The following AGAP1 variants were observed in gnomAD, a reference collection of about 807,000 sequenced individuals.
The protein encoded by AGAP1 is ArfGAP with GTPase domain, ankyrin repeat and PH domain 1.
AGAP1 carries 29 observed loss-of-function variants against 105.3 expected under a neutral mutation model. The observed-to-expected ratio is 0.28, with a 90% confidence interval of 0.21 to 0.38. The LOEUF is 0.38. AGAP1 is among the 10% of genes least tolerant of loss of function. AGAP1 has a pLI of 1.00. For missense variants in AGAP1, 998 were observed against 1,165.1 expected, an observed-to-expected ratio of 0.86 and a Z score of 2.09; for synonymous variants, 509 against 485.9, an observed-to-expected ratio of 1.05 and a Z score of -0.63.
intron 1 of AGAP1, among the ~76,000 whole-genome samples, chr2:235,708,712 C>CTG (rs1244192771): frequency 2.0e-5 from 3 of 152,128 alleles, no homozygotes; most frequent in Non-Finnish European, 2.9e-5. Flanking sequence ...ATACTTTTTG[C>CTG]TGTGTGTGTG....
chr2:235,802,891 GTGA>G (rs1452785659), intron 8 of AGAP1, among the ~76,000 whole-genome samples: 36 of 133,266 alleles, frequency 2.7e-4, no homozygotes, highest in Admixed American at 5.2e-4. Flanking sequence ...GGTTGTGATG[GTGA>G]TGATGGTTGT....
At chr2:235,643,431 C>CAAAAAAAAAAAAAAAAAAAAAAAA (rs56146940) in intron 1 of AGAP1, among the ~76,000 whole-genome samples, 2 of 61,418 alleles carry the variant, frequency 3.3e-5, no homozygotes, top group African/African-American at 1.4e-4. Context: ...GACTGGGTCT[C>CAAAAAAAAAAAAAAAAAAAAAAAA]AAAAAAAAAA....
At chr2:236,039,242 C>T (rs35375172) in intron 14 of AGAP1, among the ~76,000 whole-genome samples, 37,466 of 151,948 alleles carry the variant, frequency 0.25, 5,534 homozygotes, top group South Asian at 0.47. Context: ...GCAAGGAGTT[C>T]GAGACCAGCC....
chr2:236,007,352 A>C (rs1576039234), intron 13 of AGAP1, among the ~76,000 whole-genome samples: 1 of 152,224 alleles, frequency 6.6e-6, no homozygotes, highest in South Asian at 2.1e-4. Context: ...GATTGACTGG[A>C]TAACCCTGAA....
In AGAP1 at chr2:236,050,003, G is replaced by T. The variant is rs2057849629; in HGVS notation, c.2114+722G>T. ...TCATCTCCGTACTTGTCTAAAGCAAGTGGCTTCCAGGGTTGCTCATTTTCA... is the reference window on the plus strand; with the variant it reads ...TCATCTCCGTACTTGTCTAAAGCAATTGGCTTCCAGGGTTGCTCATTTTCA... On this transcript the variant is annotated intron_variant, in intron 16 of 17. Transcript: ENST00000304032. The surrounding 1 kb of genome is among the most constrained non-coding windows in gnomAD (Gnocchi z 4.0). 6.6e-6 allele frequency among the ~76,000 whole-genome samples: 1 copy of T among 152,206 alleles called. No individual in the cohort carries two copies. The highest frequency in any genetic ancestry group is 2.4e-5 in the African/African-American group (1 of 41,448).
rs535232336 is a variant in AGAP1 at position 235,744,362 on chromosome 2, C to T, written c.397-336C>T. Among the ~76,000 whole-genome samples, 38 of 152,092 alleles carry T rather than the reference C, an allele frequency of 2.5e-4. No homozygotes were observed. The highest frequency in any genetic ancestry group is 4.9e-4 in the Non-Finnish European group (33 of 68,016). On this transcript the variant is annotated intron_variant, in intron 4 of 17. Transcript: ENST00000304032. This position sits in a 1 kb window ranked among gnomAD's most constrained non-coding sequence, Gnocchi z 5.2. ...GGAGGTGGGTCTGGCCTTCTGTCTGCGGGGCCGCCTTGGCAGGTCGGGGCA... is the reference window on the plus strand; with the variant it reads ...GGAGGTGGGTCTGGCCTTCTGTCTGTGGGGCCGCCTTGGCAGGTCGGGGCA...
chr2:235,925,913 A>C (rs1300036460), intron 11 of AGAP1, among the ~76,000 whole-genome samples: 1 of 152,272 alleles, frequency 6.6e-6, no homozygotes. Flanking sequence ...TCAGACCTTC[A>C]GCCTTAATTA....
Position 235,957,163 on chromosome 2 carries a change from AATATGTAC to A in AGAP1, c.1484-11298_1484-11291del, listed in dbSNP as rs2053986547. 6.6e-6 allele frequency among the ~76,000 whole-genome samples: 1 copy of A among 152,164 alleles called. No homozygotes were observed. Among genetic ancestry groups the A allele is most frequent in the Admixed American group, 6.5e-5 (1 of 15,278 alleles). ...ACTCTGTTCTTGAATTGGTGGTCAG[AATATGTAC>A]TTTTTTCTTTGTAAGGCTTTATAAA... On this transcript the variant is annotated intron_variant, in intron 12 of 17. Transcript: ENST00000304032. The surrounding 1 kb of genome is among the most constrained non-coding windows in gnomAD (Gnocchi z 4.6).
intron 3 of AGAP1, among the ~76,000 whole-genome samples, chr2:235,731,142 G>A (rs1224368480): frequency 6.6e-6 from 1 of 152,216 alleles, no homozygotes; most frequent in Non-Finnish European, 1.5e-5. Flanking sequence ...GGTGGTGGTT[G>A]AGATGACCAA....
Position 235,631,954 on chromosome 2 carries a change from A to G in AGAP1, c.164-77225A>G, listed in dbSNP as rs1946843215. 6.6e-6 allele frequency among the ~76,000 whole-genome samples: 1 copy of G among 152,178 alleles called. No individual in the cohort carries two copies. Among genetic ancestry groups the G allele is most frequent in the Non-Finnish European group, 1.5e-5 (1 of 68,032 alleles). On this transcript the variant is annotated intron_variant, in intron 1 of 17. Transcript: ENST00000304032. This position sits in a 1 kb window ranked among gnomAD's most constrained non-coding sequence, Gnocchi z 5.4. Reference sequence around the variant, plus strand: ...CTGCATGCATATATGATGGCTGGCCACCATCTGAGACTGGGACAGCAAGGG... The same window carrying G: ...CTGCATGCATATATGATGGCTGGCCGCCATCTGAGACTGGGACAGCAAGGG...
intron 1 of AGAP1, chr2:235,671,004 C>A: frequency 7.6e-7 from 1 of 1,322,516 alleles, no homozygotes; most frequent in South Asian, 2.1e-5. Flanking sequence ...CGGCGGGCCC[C>A]GGCCGAAGCG....
intron 13 of AGAP1, among the ~76,000 whole-genome samples, chr2:236,029,472 G>A (rs1576111065): frequency 6.7e-6 from 1 of 149,824 alleles, no homozygotes; most frequent in Non-Finnish European, 1.5e-5. Flanking sequence ...TTTTAGTAGA[G>A]ATGGGGTTTT....
intron 1 of AGAP1, among the ~76,000 whole-genome samples, chr2:235,541,952 A>G (rs1453545942): frequency 2.0e-5 from 3 of 152,176 alleles, no homozygotes; most frequent in African/African-American, 7.2e-5. Flanking sequence ...ATTGCATGGT[A>G]TGACCTCCAT....
chr2:235,756,572 C>G (rs745396626), intron 6 of AGAP1, among the ~76,000 whole-genome samples: 1 of 152,108 alleles, frequency 6.6e-6, no homozygotes, highest in Non-Finnish European at 1.5e-5. Flanking sequence ...TAAAGATGTA[C>G]GTGAGTGGTC....
At chr2:235,518,603 T>G (rs1942491720) in intron 1 of AGAP1, among the ~76,000 whole-genome samples, 1 of 152,170 alleles carries the variant, frequency 6.6e-6, no homozygotes, top group Admixed American at 6.5e-5. Context: ...GCTTTGCAAA[T>G]GTCTCTTCAG....
At position 235,965,230 on chromosome 2, in the gene AGAP1, C is replaced by T. The variant is rs137978363; in HGVS notation, c.1484-3232C>T. Among the ~76,000 whole-genome samples the T allele has an allele frequency of 9.2e-5, 14 of 152,240 alleles. No individual in the cohort carries two copies. The highest frequency in any genetic ancestry group is 1.9e-4 in the East Asian group (1 of 5,188). On this transcript the variant is annotated intron_variant, in intron 12 of 17. Transcript: ENST00000304032. The surrounding 1 kb of genome is among the most constrained non-coding windows in gnomAD (Gnocchi z 5.8). ...AGAGTGAGTGCTGTTTCTTGGGAGC[C>T]GGCTGCCGGGAAGAGAGGGTCAGGT...
intron 11 of AGAP1, among the ~76,000 whole-genome samples, chr2:235,924,106 T>G (rs1322035535): frequency 6.6e-6 from 1 of 152,146 alleles, no homozygotes; most frequent in Non-Finnish European, 1.5e-5. Flanking sequence ...ACACTACCCC[T>G]GTCTCACCAG....
At chr2:235,947,307 G>T (rs991633533) in intron 12 of AGAP1, among the ~76,000 whole-genome samples, 3 of 152,070 alleles carry the variant, frequency 2.0e-5, no homozygotes, top group Non-Finnish European at 4.4e-5. Flanking sequence ...TCCCACTTAT[G>T]AGTCAGAGCA....
At chr2:235,990,278 A>C (rs1397957069) in intron 13 of AGAP1, among the ~76,000 whole-genome samples, 1 of 152,192 alleles carries the variant, frequency 6.6e-6, no homozygotes. Flanking sequence ...CTCTCCACTG[A>C]CATGTGCCCC....
Sources: gnomAD v4.1 joint callset for allele counts (sites outside exome capture counted in the v4.1 genomes callset) on GRCh38, gnomAD v4.1.1 for gene constraint, Gnocchi (gnomAD v3.1) non-coding constraint, MANE v1.5 for transcripts, NCBI Gene and HGNC (gene_info 2026-07-23, HGNC 2026-07-21) for gene names.